PATZ1: variants seen among roughly 807,000 people sequenced by gnomAD.
The protein encoded by PATZ1 is POZ-, AT hook-, and zinc finger-containing protein 1.
PATZ1 carries 9 observed loss-of-function variants against 46.2 expected under a neutral mutation model. That is an observed-to-expected ratio of 0.19 (90% CI 0.12 to 0.34). The LOEUF is 0.34. PATZ1 is among the 10% of genes least tolerant of loss of function. PATZ1 has a pLI of 1.00. For missense variants in PATZ1, 632 were observed against 923.0 expected (o/e 0.68, Z 4.08); for synonymous variants, 426 against 378.6 (o/e 1.13, Z -1.45).
In PATZ1 at chr22:31,328,519, A is replaced by T. The variant is rs773999891; in HGVS notation, c.1645+268T>A. Among the ~76,000 whole-genome samples, 2 of 152,150 alleles carry T rather than the reference A, an allele frequency of 1.3e-5. No homozygotes were observed. Among genetic ancestry groups the T allele is most frequent in the Non-Finnish European group, 2.9e-5 (2 of 68,020 alleles). On this transcript the variant is annotated intron_variant, in intron 4 of 4. Coordinates refer to ENST00000266269, the MANE Select transcript of PATZ1 (RefSeq NM_014323.3). This position sits in a 1 kb window ranked among gnomAD's most constrained non-coding sequence, Gnocchi z 4.8. ...CCGGGGCATCCCTGCAGGGCTCCAG[A>T]CAGTGGGGGCTGGCCAGGAGGAAAG...
rs921817782 is a variant in PATZ1 at position 31,341,186 on chromosome 22, G to A, written c.1335+1711C>T. On this transcript the variant is annotated intron_variant, in intron 2 of 4. Transcript: ENST00000266269. ...GTGAAAGGGGGGAAAAGGCAAGAGA[G>A]CCCAGAAAGAAACTTGGATGCTATA... The A allele has an allele frequency of 3.9e-5, 48 of 1,245,588 alleles. No homozygotes were observed. In the African/African-American group the frequency reaches 6.6e-4, roughly 17 times the overall value. 77.2% of individuals were successfully genotyped at this position (1,245,588 alleles called of 1,614,324 possible).
At position 31,326,274 on chromosome 22, in the gene PATZ1, G is replaced by A. The variant is rs2049369640; in HGVS notation, c.*617C>T. The A allele has an allele frequency of 4.4e-6, 1 of 229,102 alleles. No homozygotes were observed. The highest frequency in any genetic ancestry group is 8.7e-6 in the Non-Finnish European group (1 of 115,404). 14.2% of individuals were successfully genotyped at this position (229,102 alleles called of 1,614,324 possible). ...GGGTGGGGGTGTCCTCAACAGCTGA[G>A]CTTGTCCTAGCAGTGAAAATGCTCG... is the stretch of plus-strand genomic sequence containing the variant. On this transcript the variant is annotated 3_prime_UTR_variant, in exon 5 of 5. Coordinates refer to ENST00000266269, the MANE Select transcript of PATZ1 (RefSeq NM_014323.3).
intron 1 of PATZ1, 63 bp downstream of exon 1, chr22:31,344,269 G>T: frequency 7.0e-7 from 1 of 1,433,792 alleles, no homozygotes; most frequent in Non-Finnish European, 9.5e-7. Context: ...CCAGATCTTG[G>T]CAGGAGCCTT....
intron 1 of PATZ1, chr22:31,343,451 G>A: frequency 1.0e-6 from 1 of 986,504 alleles, no homozygotes; most frequent in Non-Finnish European, 1.2e-6. Context: ...TAAGTCCCCA[G>A]CTGGGCTGGT....
intron 3 of PATZ1, among the ~76,000 whole-genome samples, chr22:31,331,072 T>C (rs1277830015): frequency 1.3e-5 from 2 of 152,224 alleles, no homozygotes; most frequent in Non-Finnish European, 2.9e-5. Flanking sequence ...CAAGTTGTCC[T>C]GTGCTATGAC....
At position 31,328,531 on chromosome 22, in the gene PATZ1, G is replaced by A. The variant is rs1357223515; in HGVS notation, c.1645+256C>T. 1.3e-5 allele frequency among the ~76,000 whole-genome samples: 2 copies of A among 152,284 alleles called. No individual in the cohort carries two copies. The highest frequency in any genetic ancestry group is 4.8e-5 in the African/African-American group (2 of 41,556). ...TGCAGGGCTCCAGACAGTGGGGGCT[G>A]GCCAGGAGGAAAGGAGGAGGGCTGG... On this transcript the variant is annotated intron_variant, in intron 4 of 4. Coordinates refer to ENST00000266269, the MANE Select transcript of PATZ1 (RefSeq NM_014323.3). The surrounding 1 kb of genome is among the most constrained non-coding windows in gnomAD (Gnocchi z 4.8).
At position 31,345,293 on chromosome 22, in the gene PATZ1, G is replaced by C. The variant is rs1029568227; in HGVS notation, c.310C>G (p.Leu104Val). 6.2e-7 allele frequency: 1 copy of C among 1,611,406 alleles called. No individual in the cohort carries two copies. The highest frequency in any genetic ancestry group is 2.2e-5 in the East Asian group (1 of 44,824). Reference protein sequence around the residue: ...PGGGAGGSRELEMHTISSKVF... With the variant: ...PGGGAGGSREVEMHTISSKVF... Reference sequence around the variant, plus strand: ...TTGGAGCTGATAGTGTGCATCTCCAGCTCCCGGCTGCCCCCGGCCCCGCCG... The same window carrying C: ...TTGGAGCTGATAGTGTGCATCTCCACCTCCCGGCTGCCCCCGGCCCCGCCG... The change falls in exon 1 of 5, where the codon CTG (leucine) becomes GTG (valine). Residue 104 changes from leucine (L) to valine (V), a missense_variant. Coordinates refer to ENST00000266269, the MANE Select transcript of PATZ1 (RefSeq NM_014323.3). This position sits in a 1 kb window ranked among gnomAD's most constrained non-coding sequence, Gnocchi z 7.4.
intron 3 of PATZ1, among the ~76,000 whole-genome samples, chr22:31,330,447 T>A (rs888349028): frequency 2.6e-5 from 4 of 151,950 alleles, no homozygotes; most frequent in Non-Finnish European, 5.9e-5. Context: ...ACCTGTAAGC[T>A]GAGATCATGC....
At chr22:31,340,746 C>T in intron 2 of PATZ1, 2 of 1,052,252 alleles carry the variant, frequency 1.9e-6, no homozygotes, top group Non-Finnish European at 2.3e-6. Flanking sequence ...AAAGGGCACA[C>T]CAATAAGGAT....
rs1039486457 is a variant in PATZ1 at position 31,345,875 on chromosome 22, C to G, written c.-273G>C. ...TCTCCGCCCGCCCGCCTCCCCTTCC[C>G]GGTCTACCTTCCGGGGGGGTGCGCG... is the stretch of plus-strand genomic sequence containing the variant. On this transcript the variant is annotated 5_prime_UTR_variant, in exon 1 of 5. Coordinates refer to ENST00000266269, the MANE Select transcript of PATZ1 (RefSeq NM_014323.3). The surrounding 1 kb of genome is among the most constrained non-coding windows in gnomAD (Gnocchi z 7.4). 7.7e-6 allele frequency: 3 copies of G among 388,634 alleles called. No individual in the cohort carries two copies. Among genetic ancestry groups the G allele is most frequent in the Non-Finnish European group, 1.4e-5 (3 of 218,790 alleles). The allele number at this position is 388,634 out of a possible 1,614,324, so 24.1% of individuals were successfully genotyped here. A position where few individuals can be genotyped will look rare whatever the true frequency, so the allele number is the denominator to read the frequency against.
chr22:31,329,276 T>G (rs1219983631), intron 3 of PATZ1, among the ~76,000 whole-genome samples: 1 of 152,178 alleles, frequency 6.6e-6, no homozygotes, highest in African/African-American at 2.4e-5. Context: ...TGAGTGGATG[T>G]CTCCTGCAGG....
Position 31,335,767 on chromosome 22 carries a change from G to C in PATZ1, c.1432C>G (p.Arg478Gly), listed in dbSNP as rs768984900. The change falls in exon 3 of 5, where the codon CGG (arginine) becomes GGG (glycine). Residue 478 changes from arginine to glycine, a missense_variant. Coordinates refer to ENST00000266269, the MANE Select transcript of PATZ1 (RefSeq NM_014323.3). ...VPCQVCGKYL[R>G]AAYMADHLKK... The stretch of plus-strand genomic sequence containing the variant: ...AGGTGGTCTGCCATGTATGCTGCCC[G>C]CAAGTACTTCCCACACACCTGGCAG... 6.2e-7 allele frequency: 1 copy of C among 1,614,148 alleles called. No homozygotes were observed. The highest frequency in any genetic ancestry group is 8.5e-7 in the Non-Finnish European group (1 of 1,180,030).
chr22:31,337,760 G>T (rs1035248198), intron 2 of PATZ1: 5 of 152,180 alleles, frequency 3.3e-5, no homozygotes, highest in Non-Finnish European at 7.3e-5. Context: ...GAACGGAACT[G>T]CCTCTGCCAT....
chr22:31,326,934 TCTA>T lies in PATZ1; in HGVS notation c.2018_2020del (p.Val673del). 1 of 1,614,102 alleles carries T rather than the reference TCTA, an allele frequency of 6.2e-7. No individual in the cohort carries two copies. The highest frequency in any genetic ancestry group is 8.5e-7 in the Non-Finnish European group (1 of 1,180,002). On this transcript the variant is annotated inframe_deletion, in exon 5 of 5. Coordinates refer to ENST00000266269, the MANE Select transcript of PATZ1 (RefSeq NM_014323.3). ...CATGGGCTGCTGGTCAACCTCAGGATCTACTAAAGATGACGCAAATGCCGACTG... is the reference window on the plus strand; with the variant it reads ...CATGGGCTGCTGGTCAACCTCAGGATCTAAAGATGACGCAAATGCCGACTG...
intron 3 of PATZ1, among the ~76,000 whole-genome samples, chr22:31,330,093 G>C (rs752947186): frequency 5.9e-5 from 9 of 152,230 alleles, no homozygotes; most frequent in Non-Finnish European, 1.3e-4. Context: ...AGGCTGAAGA[G>C]TACTGTGTAA....
At chr22:31,334,514 C>T (rs556542384) in intron 3 of PATZ1, among the ~76,000 whole-genome samples, 3 of 152,228 alleles carry the variant, frequency 2.0e-5, no homozygotes, top group South Asian at 4.1e-4. Flanking sequence ...CCAACGATTC[C>T]GCCAAGGCCT....
chr22:31,337,002 C>T (rs1367533327), intron 2 of PATZ1, among the ~76,000 whole-genome samples: 17 of 143,426 alleles, frequency 1.2e-4, no homozygotes, highest in African/African-American at 3.9e-4. Flanking sequence ...CCCAGCTACT[C>T]GGGAGGCTGA....
intron 2 of PATZ1, among the ~76,000 whole-genome samples, chr22:31,336,113 C>T (rs2145819672): frequency 6.6e-6 from 1 of 152,292 alleles, no homozygotes; most frequent in Admixed American, 6.5e-5. Flanking sequence ...TGGAAATGTA[C>T]CCAGGACATG....
chr22:31,343,838 G>A (rs1458681489), intron 1 of PATZ1, among the ~76,000 whole-genome samples: 1 of 152,218 alleles, frequency 6.6e-6, no homozygotes, highest in Non-Finnish European at 1.5e-5. Flanking sequence ...CCAGGGTGGT[G>A]TGAGAGGCAC....
Sources: gnomAD v4.1 joint callset for allele counts (sites outside exome capture counted in the v4.1 genomes callset) on GRCh38, gnomAD v4.1.1 for gene constraint, Gnocchi (gnomAD v3.1) non-coding constraint, MANE v1.5 for transcripts, NCBI Gene and HGNC (gene_info 2026-07-23, HGNC 2026-07-21) for gene names.